The following SORCS2 variants were observed in gnomAD, a reference collection of about 807,000 sequenced individuals.
SORCS2 encodes the protein sortilin related VPS10 domain containing receptor 2.
SORCS2 carries 100 observed loss-of-function variants against 141.6 expected under a neutral mutation model. That is an observed-to-expected ratio of 0.71 (90% CI 0.60 to 0.83). The LOEUF (loss-of-function observed/expected upper bound fraction) is 0.83. Among genes scored for constraint, SORCS2 ranks in the 40% least tolerant of loss-of-function variants. The pLI is 0.00. For missense variants in SORCS2, 1,646 were observed against 1,560.2 expected (o/e 1.05, Z -0.93); for synonymous variants, 789 against 676.9 (o/e 1.17, Z -2.57).
intron 1 of SORCS2, among the ~76,000 whole-genome samples, chr4:7,231,390 A>C (rs746722945): frequency 2.0e-5 from 3 of 152,240 alleles, no homozygotes; most frequent in Non-Finnish European, 2.9e-5. Flanking sequence ...AGAAATACCC[A>C]GAATAATGTT....
chr4:7,728,405 C>G lies in SORCS2; in HGVS notation c.2925C>G (p.Pro975=), dbSNP rs1418977680. The change falls in exon 22 of 27, where the codon CCC becomes CCG. Residue 975 remains proline (P), a synonymous_variant. Transcript: ENST00000507866. ...QFSKELDAYN[P]NTPEWREDVG... ...CCAAGGAGCTGGATGCCTACAACCC[C>G]AACACCCCTGAGTGGAGGGAAGACG... is the stretch of plus-strand genomic sequence containing the variant. 3.1e-6 allele frequency: 5 copies of G among 1,613,846 alleles called. No homozygotes were observed. The highest frequency in any genetic ancestry group is 4.2e-6 in the Non-Finnish European group (5 of 1,179,840).
Position 7,364,654 on chromosome 4 carries a change from T to C in SORCS2, c.481-31634T>C, listed in dbSNP as rs139950113. Among the ~76,000 whole-genome samples the C allele has an allele frequency of 4.6e-5, 7 of 152,294 alleles. No homozygotes were observed. In the East Asian group the frequency reaches 1.4e-3, roughly 29 times the overall value. ...GTTCATTTCCCTCCACAAAACAGAA[T>C]GCAAGTCAGGGAGCAAGCTAACATT... On this transcript the variant is annotated intron_variant, in intron 1 of 26. Coordinates refer to ENST00000507866, the MANE Select transcript of SORCS2 (RefSeq NM_020777.3).
chr4:7,710,199 C>T (rs1366101822), intron 14 of SORCS2, among the ~76,000 whole-genome samples: 1 of 152,180 alleles, frequency 6.6e-6, no homozygotes, highest in African/African-American at 2.4e-5. Flanking sequence ...TTTCTGTACC[C>T]GCCATGTTTC....
intron 3 of SORCS2, among the ~76,000 whole-genome samples, chr4:7,606,833 G>A (rs1228154045): frequency 3.9e-5 from 6 of 152,054 alleles, no homozygotes; most frequent in African/African-American, 7.2e-5. Context: ...TAGCACATGC[G>A]GGCAGGCAAT....
intron 3 of SORCS2, among the ~76,000 whole-genome samples, chr4:7,632,539 C>T (rs1719959771): frequency 1.3e-5 from 2 of 152,296 alleles, no homozygotes; most frequent in South Asian, 4.1e-4. Context: ...ATAGCCCCGG[C>T]CCAGATTGCT....
At chr4:7,225,486 C>T (rs1728937765) in intron 1 of SORCS2, among the ~76,000 whole-genome samples, 1 of 152,218 alleles carries the variant, frequency 6.6e-6, no homozygotes, top group Non-Finnish European at 1.5e-5. Flanking sequence ...CTGGCTTCTC[C>T]TCTCTCTGTT....
chr4:7,268,827 G>C (rs1214921611), intron 1 of SORCS2, among the ~76,000 whole-genome samples: 1 of 152,224 alleles, frequency 6.6e-6, no homozygotes, highest in Non-Finnish European at 1.5e-5. Context: ...ATCCCAGGGA[G>C]AGGGCCTGGA....
intron 3 of SORCS2, among the ~76,000 whole-genome samples, chr4:7,618,021 C>T (rs755167425): frequency 1.3e-5 from 2 of 152,080 alleles, no homozygotes; most frequent in Admixed American, 1.3e-4. Context: ...TCTGCACCCC[C>T]ACCACTCCCC....
chr4:7,461,872 G>A (rs540258431), intron 2 of SORCS2, among the ~76,000 whole-genome samples: 1 of 152,282 alleles, frequency 6.6e-6, no homozygotes, highest in South Asian at 2.1e-4. Flanking sequence ...CAAGACCCCT[G>A]GAGCTTCCAG....
chr4:7,590,543 T>G (rs923397698), intron 3 of SORCS2, among the ~76,000 whole-genome samples: 2 of 152,138 alleles, frequency 1.3e-5, no homozygotes, highest in Admixed American at 6.5e-5. Context: ...CAGGCAGCAT[T>G]CTCATGTGCT....
At position 7,209,291 on chromosome 4, in the gene SORCS2, G is replaced by A. The variant is rs556990721; in HGVS notation, c.480+16165G>A. ...GTCTGTGAGGACTTGCTGCTGTGCC[G>A]CTCACCTTGGGCCTTGCTTGTCTTC... On this transcript the variant is annotated intron_variant, in intron 1 of 26. Coordinates refer to ENST00000507866, the MANE Select transcript of SORCS2 (RefSeq NM_020777.3). Among the ~76,000 whole-genome samples, 10 of 152,294 alleles carry A rather than the reference G, an allele frequency of 6.6e-5. No homozygotes were observed. In the East Asian group the frequency reaches 7.7e-4, roughly 12 times the overall value.
At chr4:7,296,953 G>A (rs554287978) in intron 1 of SORCS2, among the ~76,000 whole-genome samples, 4 of 152,308 alleles carry the variant, frequency 2.6e-5, no homozygotes, top group East Asian at 3.9e-4. Context: ...GGCCAGCTTC[G>A]TGCTCCTTCC....
chr4:7,351,325 C>G (rs13110208), intron 1 of SORCS2, among the ~76,000 whole-genome samples: 1 of 152,022 alleles, frequency 6.6e-6, no homozygotes, highest in African/African-American at 2.4e-5. Flanking sequence ...GTGTTCATCA[C>G]GACCCCTGCC....
chr4:7,602,294 C>T (rs1415551425), intron 3 of SORCS2, among the ~76,000 whole-genome samples: 2 of 151,490 alleles, frequency 1.3e-5, no homozygotes, highest in Non-Finnish European at 2.9e-5. Flanking sequence ...GCTGGCCGGG[C>T]GGGGGCTGTC....
intron 1 of SORCS2, among the ~76,000 whole-genome samples, chr4:7,236,285 A>G (rs919910122): frequency 6.6e-6 from 1 of 152,178 alleles, no homozygotes; most frequent in African/African-American, 2.4e-5. Flanking sequence ...AGATTCTGGG[A>G]GGGAAGTGAG....
chr4:7,274,470 C>T (rs553820718), intron 1 of SORCS2, among the ~76,000 whole-genome samples: 28 of 152,112 alleles, frequency 1.8e-4, no homozygotes, highest in African/African-American at 5.3e-4. Flanking sequence ...CCTCAGGAAA[C>T]GTACAATCAT....
At chr4:7,524,542 T>C (rs1313681648) in intron 2 of SORCS2, among the ~76,000 whole-genome samples, 5 of 151,920 alleles carry the variant, frequency 3.3e-5, no homozygotes, top group African/African-American at 1.2e-4. Context: ...TTGCACAACA[T>C]TGAAAACACA....
chr4:7,366,702 C>G (rs1721920147), intron 1 of SORCS2, among the ~76,000 whole-genome samples: 1 of 152,114 alleles, frequency 6.6e-6, no homozygotes, highest in Non-Finnish European at 1.5e-5. Flanking sequence ...TGCCCCGGCA[C>G]CTCCATGATG....
chr4:7,480,284 G>T (rs1730551657), intron 2 of SORCS2, among the ~76,000 whole-genome samples: 1 of 152,220 alleles, frequency 6.6e-6, no homozygotes. Context: ...ACTGTGTGCA[G>T]AGAGGATGGA....
Sources: allele counts gnomAD v4.1 joint callset (sites outside exome capture counted in the v4.1 genomes callset), GRCh38; gene constraint gnomAD v4.1.1; transcripts MANE v1.5; gene names NCBI Gene and HGNC (gene_info 2026-07-23, HGNC 2026-07-21).